MAP3K15: variants seen among roughly 807,000 people sequenced by gnomAD.
MAP3K15 encodes MAPK/ERK kinase kinase 15.
In MAP3K15, 124 loss-of-function variants were observed where a neutral mutation model predicts 99.5. The ratio of observed to expected loss-of-function variants is 1.25; its 90% CI spans 1.08 to 1.45. The LOEUF is 1.45. Ranked by LOEUF, MAP3K15 falls within the 40% of genes most tolerant of loss-of-function variation. The pLI is 0.00. For missense variants in MAP3K15, 1,242 were observed against 1,079.7 expected (o/e 1.15, Z -2.11); for synonymous variants, 494 against 439.6 (o/e 1.12, Z -1.55).
chrX:19,471,178 ATG>A (rs2064205470), intron 3 of MAP3K15, among the ~76,000 whole-genome samples: 1 of 112,045 alleles, frequency 8.9e-6, no homozygotes, highest in South Asian at 3.7e-4. Context: ...GCACCAACAT[ATG>A]TGACACCTAA....
At chrX:19,445,247 G>T (rs754924818) in intron 6 of MAP3K15, among the ~76,000 whole-genome samples, 2 of 110,017 alleles carry the variant, frequency 1.8e-5, no homozygotes, top group Admixed American at 9.8e-5. Context: ...GTTTTGGGGT[G>T]GGGGGAGACC....
At chrX:19,507,234 C>T (rs2064483350) in intron 1 of MAP3K15, among the ~76,000 whole-genome samples, 1 of 111,667 alleles carries the variant, frequency 9.0e-6, no homozygotes, top group Admixed American at 9.5e-5. Flanking sequence ...AGACTTCCTA[C>T]TACAATAAGT....
At chrX:19,376,455 C>T (rs1465756189) in intron 19 of MAP3K15, among the ~76,000 whole-genome samples, 2 of 109,596 alleles carry the variant, frequency 1.8e-5, no homozygotes, top group African/African-American at 6.7e-5. Context: ...CCCCACCCCC[C>T]AACTTTTTGA....
intron 26 of MAP3K15, 43 bp from the exon 27 acceptor site, chrX:19,361,636 A>G: frequency 1.1e-6 from 1 of 928,956 alleles, no homozygotes; most frequent in Non-Finnish European, 1.5e-6. Context: ...CTAACCATAA[A>G]ACTCTTCAAA....
chrX:19,426,988 C>A (rs938823608), intron 7 of MAP3K15, among the ~76,000 whole-genome samples: 2 of 109,577 alleles, frequency 1.8e-5, no homozygotes, highest in African/African-American at 6.7e-5. Flanking sequence ...CAATTCTAAT[C>A]CTACTCCCAA....
chrX:19,448,516 TGTTA>T lies in MAP3K15; in HGVS notation c.995+8393_995+8396del, dbSNP rs1017107398. On this transcript the variant is annotated intron_variant, in intron 6 of 28. Transcript: ENST00000338883. ...CAATGTCTCCTGTATTTGACTTTAC[TGTTA>T]TGGGGGAAAAAATACCTTAAACCAC... Among the ~76,000 whole-genome samples, 3 of 108,382 alleles carry T rather than the reference TGTTA, an allele frequency of 2.8e-5. No individual in the cohort carries two copies. The South Asian group carries it at 1.2e-3, about 45-fold the overall frequency. The allele number at this position is 108,382 out of a possible 115,157, so 94.1% of individuals were successfully genotyped here.
chrX:19,478,339 A>G (rs192603234), intron 3 of MAP3K15, among the ~76,000 whole-genome samples: 83 of 104,814 alleles, frequency 7.9e-4, no homozygotes, highest in South Asian at 2.3e-3. Flanking sequence ...AAAGTACTAG[A>G]AATCTTTTGA....
At chrX:19,447,402 A>T (rs1426191407) in intron 6 of MAP3K15, among the ~76,000 whole-genome samples, 226 of 111,929 alleles carry the variant, frequency 2.0e-3, no homozygotes, top group Non-Finnish European at 3.6e-3. Flanking sequence ...ACATTGCTGA[A>T]ATAAGAGCTG....
rs2064137144 is a variant in MAP3K15, at chrX:19,462,065, C to T, written c.720-1912G>A. Reference sequence around the variant, plus strand: ...AAACAAAGCTGAAATGGACTAACTGCAGAGTGTAAAATTAGGCTGTTCATT... The same window carrying T: ...AAACAAAGCTGAAATGGACTAACTGTAGAGTGTAAAATTAGGCTGTTCATT... On this transcript the variant is annotated intron_variant, in intron 4 of 28. Coordinates refer to ENST00000338883, the MANE Select transcript of MAP3K15 (RefSeq NM_001001671.4). Among the ~76,000 whole-genome samples the T allele has an allele frequency of 2.7e-5, 3 of 109,926 alleles. No individual in the cohort carries two copies. In the South Asian group the frequency reaches 1.2e-3, roughly 43 times the overall value.
rs180843027 is a variant in MAP3K15 at position 19,428,887 on chromosome X, T to C, written c.1167-2544A>G. Reference sequence around the variant, plus strand: ...AGGAGGCTGAGGCAGGGGAATTGCTTGAACCAGGGAGGTGGAGGTTGCAGT... The same window carrying C: ...AGGAGGCTGAGGCAGGGGAATTGCTCGAACCAGGGAGGTGGAGGTTGCAGT... On this transcript the variant is annotated intron_variant, in intron 7 of 28. Coordinates refer to ENST00000338883, the MANE Select transcript of MAP3K15 (RefSeq NM_001001671.4). 2.6e-3 allele frequency among the ~76,000 whole-genome samples: 293 copies of C among 110,769 alleles called. 2 individuals carry two copies. The highest frequency in any genetic ancestry group is 9.1e-3 in the African/African-American group (276 of 30,464).
chrX:19,486,347 GTCC>G (rs1170019358), intron 3 of MAP3K15, 132 bp downstream of exon 3: 20 of 271,838 alleles, frequency 7.4e-5, no homozygotes, highest in Middle Eastern at 9.3e-4. Context: ...ATTTCTAGCT[GTCC>G]TCCTTAGAAA....
At chrX:19,373,807 T>C in intron 20 of MAP3K15, 112 bp from the exon 21 acceptor site, 1 of 832,679 alleles carries the variant, frequency 1.2e-6, no homozygotes, top group South Asian at 2.6e-5. Flanking sequence ...CCCAGGATCC[T>C]GTAGAAATGT....
At chrX:19,370,856 T>C in intron 24 of MAP3K15, 103 bp downstream of exon 24, 2 of 640,607 alleles carry the variant, frequency 3.1e-6, no homozygotes, top group Middle Eastern at 3.2e-4. Context: ...AGGAAGTAGA[T>C]AACCAAGATG....
chrX:19,419,243 C>A (rs2063762402), intron 9 of MAP3K15, among the ~76,000 whole-genome samples: 1 of 111,530 alleles, frequency 9.0e-6, no homozygotes, highest in African/African-American at 3.3e-5. Context: ...CACAGACTGG[C>A]AAATTGGATA....
intron 1 of MAP3K15, among the ~76,000 whole-genome samples, chrX:19,490,541 A>C (rs2064361713): frequency 9.0e-6 from 1 of 110,746 alleles, no homozygotes; most frequent in Non-Finnish European, 1.9e-5. Flanking sequence ...TGAGCTCAGC[A>C]GTTCAAGACC....
At chrX:19,431,720 T>A (rs2063884403) in intron 6 of MAP3K15, 112 bp from the exon 7 acceptor site, 1 of 603,614 alleles carries the variant, frequency 1.7e-6, no homozygotes, top group African/African-American at 2.3e-5. Context: ...CCGAAGCGGG[T>A]AGATCATTTG....
intron 6 of MAP3K15, among the ~76,000 whole-genome samples, chrX:19,448,643 C>T (rs147566356): frequency 0.011 from 1,230 of 109,176 alleles, 23 homozygotes; most frequent in African/African-American, 0.039. Flanking sequence ...AATTTGATGT[C>T]AGGTATGGAA....
chrX:19,486,878 C>T (rs936012349), intron 2 of MAP3K15, among the ~76,000 whole-genome samples: 6 of 110,689 alleles, frequency 5.4e-5, no homozygotes, highest in Admixed American at 9.7e-5. Context: ...AGAATGTCGG[C>T]GATAGCAAGA....
At chrX:19,426,618 C>T (rs1459544725) in intron 7 of MAP3K15, among the ~76,000 whole-genome samples, 2 of 109,323 alleles carry the variant, frequency 1.8e-5, no homozygotes, top group South Asian at 3.9e-4. Flanking sequence ...AGTTTAAGGC[C>T]AGCCTGGCCA....
Sources: gnomAD v4.1 joint callset for allele counts (sites outside exome capture counted in the v4.1 genomes callset) on GRCh38, gnomAD v4.1.1 for gene constraint, MANE v1.5 for transcripts, NCBI Gene and HGNC (gene_info 2026-07-23, HGNC 2026-07-21) for gene names.